KATNAL1: variants seen among roughly 807,000 people sequenced by gnomAD.
KATNAL1 encodes katanin catalytic subunit A1 like 1, also known as katanin p60 ATPase-containing subunit A-like 1.
In KATNAL1, 32 loss-of-function variants were observed where a neutral mutation model predicts 55.2. The observed-to-expected ratio is 0.58, with a 90% confidence interval of 0.44 to 0.78. KATNAL1 has a LOEUF of 0.78. KATNAL1 is among the 30% of genes least tolerant of loss of function. The pLI is 0.00. For synonymous variants in KATNAL1, 193 were observed against 193.6 expected, an observed-to-expected ratio of 1.00 and a Z score of 0.02; for missense variants, 466 against 600.9, an observed-to-expected ratio of 0.78 and a Z score of 2.35.
intron 2 of KATNAL1, 51 bp downstream of exon 2, chr13:30,283,565 A>G (rs754065630): frequency 1.9e-6 from 3 of 1,565,946 alleles, no homozygotes; most frequent in South Asian, 2.3e-5. Context: ...TCTCTCAAGT[A>G]TAATAGGGTA....
At chr13:30,230,166 C>T (rs1340208828) in intron 8 of KATNAL1, among the ~76,000 whole-genome samples, 1 of 152,086 alleles carries the variant, frequency 6.6e-6, no homozygotes, top group Admixed American at 6.5e-5. Context: ...CTTGCAGATT[C>T]TTTAAAGGGT....
chr13:30,224,152 CT>C (rs1182229377), intron 9 of KATNAL1, among the ~76,000 whole-genome samples: 3 of 151,890 alleles, frequency 2.0e-5, no homozygotes, highest in African/African-American at 7.3e-5. Flanking sequence ...ACAGTTCTAA[CT>C]TAATAGTAGA....
intron 1 of KATNAL1, among the ~76,000 whole-genome samples, chr13:30,298,597 A>G (rs2137568336): frequency 6.6e-6 from 1 of 152,332 alleles, no homozygotes; most frequent in East Asian, 1.9e-4. Flanking sequence ...TAAAATAAGT[A>G]CATTTAAAGA....
intron 3 of KATNAL1, among the ~76,000 whole-genome samples, chr13:30,259,415 G>T (rs1879064248): frequency 1.3e-5 from 2 of 152,144 alleles, no homozygotes; most frequent in South Asian, 4.1e-4. Flanking sequence ...CTCCCAGTGT[G>T]AGCGACGCAA....
At chr13:30,289,905 T>C (rs570271587) in intron 1 of KATNAL1, among the ~76,000 whole-genome samples, 2 of 152,340 alleles carry the variant, frequency 1.3e-5, no homozygotes, top group East Asian at 1.9e-4. Context: ...CAGAGACAAT[T>C]TGTAAACAAC....
In KATNAL1 at chr13:30,210,443, C is replaced by A; in HGVS notation, c.1148-1G>T. 6.3e-7 allele frequency: 1 copy of A among 1,595,206 alleles called. No individual in the cohort carries two copies. Among genetic ancestry groups the A allele is most frequent in the Non-Finnish European group, 8.5e-7 (1 of 1,174,114 alleles). On this transcript the variant is annotated splice_acceptor_variant, in intron 9 of 10. Transcript: ENST00000380615. LOFTEE classifies it high-confidence loss of function. The stretch of plus-strand genomic sequence containing the variant: ...TTCAGAAGCTCAGCTCTTCCTTTTG[C>A]TGTTACAAGATTTTGGTGGTGTTGT...
rs538119347 is a variant in KATNAL1, at chr13:30,234,983, T to G, written c.727-3511A>C. On this transcript the variant is annotated intron_variant, in intron 6 of 10. Coordinates refer to ENST00000380615, the MANE Select transcript of KATNAL1 (RefSeq NM_032116.5). ...GACTACTCAGGATGGGGGATGACCA[T>G]GCCAGGAAAACCAACCATGTGATTA... Among the ~76,000 whole-genome samples the G allele has an allele frequency of 2.6e-5, 4 of 152,306 alleles. No homozygotes were observed. In the South Asian group the frequency reaches 8.3e-4, roughly 32 times the overall value.
At chr13:30,212,953 TAAG>T (rs1417083923) in intron 9 of KATNAL1, among the ~76,000 whole-genome samples, 1 of 152,046 alleles carries the variant, frequency 6.6e-6, no homozygotes, top group Non-Finnish European at 1.5e-5. Flanking sequence ...GGTGTCCTTA[TAAG>T]AAGAAGCGGT....
At chr13:30,266,356 A>G (rs1470272002) in intron 3 of KATNAL1, among the ~76,000 whole-genome samples, 2 of 152,094 alleles carry the variant, frequency 1.3e-5, no homozygotes, top group African/African-American at 4.8e-5. Context: ...CCTGGTTAAT[A>G]AAATGCCACC....
intron 9 of KATNAL1, among the ~76,000 whole-genome samples, chr13:30,224,722 T>C (rs191386204): frequency 1.3e-5 from 2 of 152,110 alleles, no homozygotes; most frequent in Non-Finnish European, 2.9e-5. Flanking sequence ...AGATTAACAA[T>C]ATTGATAAAT....
chr13:30,276,272 A>C (rs1007238630), intron 3 of KATNAL1, among the ~76,000 whole-genome samples: 1 of 152,254 alleles, frequency 6.6e-6, no homozygotes, highest in African/African-American at 2.4e-5. Context: ...GATTAAACTC[A>C]GCAGATGCAT....
At chr13:30,226,942 G>A (rs191498462) in intron 9 of KATNAL1, among the ~76,000 whole-genome samples, 80 of 152,186 alleles carry the variant, frequency 5.3e-4, no homozygotes, top group African/African-American at 1.4e-3. Context: ...TGGGTGTGGT[G>A]GTACACACCT....
At chr13:30,257,505 T>G (rs146674667) in intron 3 of KATNAL1, among the ~76,000 whole-genome samples, 5 of 152,228 alleles carry the variant, frequency 3.3e-5, no homozygotes, top group Non-Finnish European at 5.9e-5. Flanking sequence ...CTGGGCTTGC[T>G]GTGACCTCAC....
rs1472076850 is a variant in KATNAL1, at chr13:30,206,821, C to T, written c.*1719G>A. The T allele has an allele frequency of 6.6e-6, 1 of 151,988 alleles. No individual in the cohort carries two copies. Among genetic ancestry groups the T allele is most frequent in the Non-Finnish European group, 1.5e-5 (1 of 67,976 alleles). 9.4% of individuals were successfully genotyped at this position (151,988 alleles called of 1,614,324 possible). A position where few individuals can be genotyped will look rare whatever the true frequency, so the allele number is the denominator to read the frequency against. On this transcript the variant is annotated 3_prime_UTR_variant, in exon 11 of 11. Coordinates refer to ENST00000380615, the MANE Select transcript of KATNAL1 (RefSeq NM_032116.5). ...ATAATCGTAATGAAACTACTTATTT[C>T]TTTATTTTAAAAGTTAATAAAAGGA...
rs575871320 is a variant in KATNAL1 at position 30,221,620 on chromosome 13, A to G, written c.1147+5792T>C. On this transcript the variant is annotated intron_variant, in intron 9 of 10. Transcript: ENST00000380615. ...TTTTACTAAAACTTACAGACTTTAC[A>G]TAACTATTTATTATCCTCAAAGTTT... 2.0e-3 allele frequency among the ~76,000 whole-genome samples: 305 copies of G among 152,356 alleles called. 1 individual carries two copies. Among genetic ancestry groups the G allele is most frequent in the African/African-American group, 6.5e-3 (271 of 41,584 alleles).
chr13:30,278,695 G>A (rs1185577723), intron 3 of KATNAL1, among the ~76,000 whole-genome samples: 1 of 152,172 alleles, frequency 6.6e-6, no homozygotes, highest in Non-Finnish European at 1.5e-5. Context: ...GTATATTTCA[G>A]AATTAATGAC....
At chr13:30,215,489 G>A (rs930365230) in intron 9 of KATNAL1, among the ~76,000 whole-genome samples, 18 of 152,020 alleles carry the variant, frequency 1.2e-4, no homozygotes, top group Non-Finnish European at 2.4e-4. Flanking sequence ...TGTTTATTGT[G>A]GCATTATTCA....
chr13:30,288,142 GAATAC>G (rs929207516), intron 1 of KATNAL1, among the ~76,000 whole-genome samples: 1 of 152,062 alleles, frequency 6.6e-6, no homozygotes, highest in African/African-American at 2.4e-5. Context: ...TGTTTACCTT[GAATAC>G]AATACATTTC....
At chr13:30,274,892 C>CGCGCGCGT (rs1555265586) in intron 3 of KATNAL1, among the ~76,000 whole-genome samples, 1 of 88,156 alleles carries the variant, frequency 1.1e-5, no homozygotes, top group African/African-American at 5.4e-5. Flanking sequence ...CACACACATA[C>CGCGCGCGT]GCGCGCGCGC....
Sources: gnomAD v4.1 joint callset for allele counts (sites outside exome capture counted in the v4.1 genomes callset) on GRCh38, gnomAD v4.1.1 for gene constraint, MANE v1.5 for transcripts, NCBI Gene and HGNC (gene_info 2026-07-23, HGNC 2026-07-21) for gene names.